Variants in PRELID2 observed in about 807,000 individuals in gnomAD.
PRELID2 encodes the protein PRELI domain-containing protein 2.
Under a neutral mutation model 28.4 loss-of-function variants are expected in PRELID2, and 25 were observed. That is an observed-to-expected ratio of 0.88 (90% CI 0.64 to 1.23). The LOEUF is 1.23. PRELID2 is among the 50% of genes most tolerant of loss of function. The pLI is 0.00. For synonymous variants in PRELID2, 76 were observed against 71.6 expected, an observed-to-expected ratio of 1.06 and a Z score of -0.31; for missense variants, 201 against 214.4, an observed-to-expected ratio of 0.94 and a Z score of 0.39.
chr5:145,247,376 G>A, the PRELID2 span, among the ~76,000 whole-genome samples: 1 of 152,202 alleles, frequency 6.6e-6, no homozygotes, highest in East Asian at 1.9e-4. Context: ...CAATTCCCCT[G>A]TTTTGACAAA....
chr5:145,365,942 A>T, the PRELID2 span, among the ~76,000 whole-genome samples: 1 of 151,950 alleles, frequency 6.6e-6, no homozygotes, highest in East Asian at 1.9e-4. Flanking sequence ...TCTGATAAAT[A>T]TAAGTGGTAT....
intron 1 of PRELID2, among the ~76,000 whole-genome samples, chr5:145,583,300 T>C (rs750678842): frequency 6.6e-6 from 1 of 152,036 alleles, no homozygotes; most frequent in African/African-American, 2.4e-5. Flanking sequence ...CTCAAAATAA[T>C]AGGAGCCATA....
At chr5:145,526,095 A>T (rs1752603470) in intron 1 of PRELID2, among the ~76,000 whole-genome samples, 1 of 152,200 alleles carries the variant, frequency 6.6e-6, no homozygotes, top group African/African-American at 2.4e-5. Flanking sequence ...TAGCTATAAA[A>T]GCCAGTCATT....
downstream of PRELID2, among the ~76,000 whole-genome samples, chr5:145,470,733 G>C (rs184373535): frequency 6.6e-6 from 1 of 152,080 alleles, no homozygotes; most frequent in Non-Finnish European, 1.5e-5. Context: ...TACAGATAGG[G>C]AGACAGAAAT....
At chr5:145,592,434 ATATATG>A (rs112662802) in intron 1 of PRELID2, among the ~76,000 whole-genome samples, 47 of 151,252 alleles carry the variant, frequency 3.1e-4, no homozygotes, top group African/African-American at 1.1e-3. Flanking sequence ...AAAAAATTGT[ATATATG>A]TATATTTCTA....
At chr5:145,377,833 G>A in the PRELID2 span, among the ~76,000 whole-genome samples, 3 of 152,064 alleles carry the variant, frequency 2.0e-5, no homozygotes, top group Non-Finnish European at 2.9e-5. Context: ...TTTTAATTGG[G>A]AAATTTAGCC....
At chr5:145,739,091 A>T (rs1385526879) in intron 1 of PRELID2, among the ~76,000 whole-genome samples, 1 of 152,214 alleles carries the variant, frequency 6.6e-6, no homozygotes, top group Non-Finnish European at 1.5e-5. Context: ...ATCCTTCAGG[A>T]GTTAAGAGGA....
intron 1 of PRELID2, among the ~76,000 whole-genome samples, chr5:145,667,247 CT>C (rs1310534507): frequency 6.6e-6 from 1 of 152,018 alleles, no homozygotes; most frequent in Non-Finnish European, 1.5e-5. Flanking sequence ...TCCCCAAAGT[CT>C]CCCATTCTGT....
intron 1 of PRELID2, among the ~76,000 whole-genome samples, chr5:145,676,204 G>C (rs1169946466): frequency 1.7e-5 from 2 of 120,372 alleles, no homozygotes; most frequent in Non-Finnish European, 3.4e-5. Flanking sequence ...TGGGCAACAA[G>C]AGCGAAACTC....
At chr5:145,661,847 TA>T (rs930114896) in intron 1 of PRELID2, among the ~76,000 whole-genome samples, 20 of 151,856 alleles carry the variant, frequency 1.3e-4, no homozygotes, top group Middle Eastern at 3.4e-3. Flanking sequence ...GGAAATAATA[TA>T]AAAAAATAGA....
chr5:145,793,158 C>T (rs1295424702), intron 5 of PRELID2, among the ~76,000 whole-genome samples: 1 of 152,160 alleles, frequency 6.6e-6, no homozygotes, highest in African/African-American at 2.4e-5. Flanking sequence ...CAAGTTACCT[C>T]CCTTTAAGAG....
chr5:145,817,209 A>AT lies in PRELID2; in HGVS notation c.368+684_368+685insA, dbSNP rs1491400668. Among the ~76,000 whole-genome samples the AT allele has an allele frequency of 4.7e-3, 451 of 96,380 alleles. 11 individuals carry two copies. The highest frequency in any genetic ancestry group is 6.8e-3 in the African/African-American group (205 of 30,210). 63.2% of individuals were successfully genotyped at this position (96,380 alleles called of 152,430 possible). ...GCATTTCAAAAAAAAATAAATAAAT[A>AT]AATAAAAAAAAATATATATATATAT... On this transcript the variant is annotated intron_variant, in intron 4 of 6. Transcript: ENST00000683046.
intron 1 of PRELID2, among the ~76,000 whole-genome samples, chr5:145,552,171 G>A (rs1170489999): frequency 2.6e-5 from 4 of 152,178 alleles, no homozygotes; most frequent in Admixed American, 2.6e-4. Flanking sequence ...CAAGACAACA[G>A]CCTCCGGATC....
At chr5:145,464,892 G>C in the PRELID2 span, among the ~76,000 whole-genome samples, 4 of 152,004 alleles carry the variant, frequency 2.6e-5, no homozygotes, top group Admixed American at 1.3e-4. Flanking sequence ...AGGCCAACAG[G>C]GGGGACTGGG....
chr5:145,469,474 T>C (rs1467128662), downstream of PRELID2, among the ~76,000 whole-genome samples: 3 of 152,176 alleles, frequency 2.0e-5, no homozygotes, highest in Middle Eastern at 3.4e-3. Context: ...TCACCTTATA[T>C]GAAAGAATAA....
At chr5:145,438,361 A>G in the PRELID2 span, among the ~76,000 whole-genome samples, 1 of 152,126 alleles carries the variant, frequency 6.6e-6, no homozygotes, top group Non-Finnish European at 1.5e-5. Context: ...GCATCCCCAA[A>G]GCCTAGTTAT....
At chr5:145,639,802 T>C (rs943368324) in intron 1 of PRELID2, among the ~76,000 whole-genome samples, 4 of 152,146 alleles carry the variant, frequency 2.6e-5, no homozygotes, top group East Asian at 1.9e-4. Flanking sequence ...GAAAAAAAGA[T>C]TTAATAAATA....
the PRELID2 span, among the ~76,000 whole-genome samples, chr5:145,318,544 G>A: frequency 5.3e-5 from 8 of 152,192 alleles, no homozygotes; most frequent in African/African-American, 1.9e-4. Flanking sequence ...TAACAAAACA[G>A]GATAGTTCCC....
At chr5:145,784,533 C>T (rs1349680492) in intron 5 of PRELID2, among the ~76,000 whole-genome samples, 1 of 152,044 alleles carries the variant, frequency 6.6e-6, no homozygotes, top group African/African-American at 2.4e-5. Flanking sequence ...TGGCAATAAG[C>T]ATGAAAGGTC....
Sources: gnomAD v4.1 joint callset for allele counts (sites outside exome capture counted in the v4.1 genomes callset) on GRCh38, gnomAD v4.1.1 for gene constraint, MANE v1.5 for transcripts, NCBI Gene and HGNC (gene_info 2026-07-23, HGNC 2026-07-21) for gene names.